Variants in ERICH3 observed in about 807,000 individuals in gnomAD.
The protein encoded by ERICH3 is glutamate-rich protein 3.
In ERICH3, 126 loss-of-function variants were observed where a neutral mutation model predicts 131.1. The observed-to-expected ratio is 0.96, with a 90% CI of 0.83 to 1.11. ERICH3 has a LOEUF of 1.11. Ranked by LOEUF, ERICH3 falls within the 50% of genes most tolerant of loss-of-function variation. The probability of loss-of-function intolerance (pLI) is 0.00; values close to 1 mark genes in which losing one functional copy is unlikely to be tolerated. For synonymous variants in ERICH3, 695 were observed against 644.6 expected, an observed-to-expected ratio of 1.08 and a Z score of -1.18; for missense variants, 2,050 against 1,810.7, an observed-to-expected ratio of 1.13 and a Z score of -2.40.
At chr1:74,580,766 T>C (rs1038410717) in intron 12 of ERICH3, among the ~76,000 whole-genome samples, 3 of 152,170 alleles carry the variant, frequency 2.0e-5, no homozygotes, top group African/African-American at 4.8e-5. Flanking sequence ...ACATCAATCA[T>C]TTTTTCCAGC....
At chr1:74,570,832 G>A (rs1646928335) in intron 14 of ERICH3, among the ~76,000 whole-genome samples, 1 of 152,152 alleles carries the variant, frequency 6.6e-6, no homozygotes, top group African/African-American at 2.4e-5. Flanking sequence ...GGGAGACACA[G>A]ATCTCACTAC....
chr1:74,661,547 GT>G (rs1223951017), intron 1 of ERICH3, among the ~76,000 whole-genome samples: 1 of 152,172 alleles, frequency 6.6e-6, no homozygotes, highest in Non-Finnish European at 1.5e-5. Context: ...GAACAAGAAA[GT>G]GATTTATTGA....
intron 8 of ERICH3, among the ~76,000 whole-genome samples, chr1:74,619,246 C>A (rs1366895229): frequency 1.3e-5 from 2 of 152,166 alleles, no homozygotes; most frequent in Admixed American, 1.3e-4. Context: ...GAGTGTACAT[C>A]ATCTACCAGA....
Position 74,572,186 on chromosome 1 carries a change from T to C in ERICH3, c.3524A>G (p.Lys1175Arg). The change falls in exon 14 of 15, where the codon AAA becomes AGA. Residue 1175 changes from lysine (K) to arginine (R), a missense_variant. Transcript: ENST00000326665. Reference protein sequence around the residue: ...KSLENITALRKEGGGERLSEA... With the variant: ...KSLENITALRREGGGERLSEA... ...ACTCAGTCTTTCCCCTCCTCCTTCT[T>C]TCCTCAGAGCTGTTATGTTTTCCAG... 2 of 1,614,068 alleles carry C rather than the reference T, an allele frequency of 1.2e-6. No homozygotes were observed. Among genetic ancestry groups the C allele is most frequent in the East Asian group, 4.5e-5 (2 of 44,860 alleles).
chr1:74,656,644 A>C (rs1410131478), intron 1 of ERICH3, among the ~76,000 whole-genome samples: 4 of 152,232 alleles, frequency 2.6e-5, no homozygotes, highest in African/African-American at 7.2e-5. Flanking sequence ...GTCTGGAAAT[A>C]TATTTGCTTA....
chr1:74,597,397 A>G (rs931703203), intron 11 of ERICH3, among the ~76,000 whole-genome samples: 17 of 152,196 alleles, frequency 1.1e-4, no homozygotes, highest in East Asian at 1.9e-4. Flanking sequence ...GAGCCCTTTA[A>G]AAGCATAGCT....
rs1415413703 is a variant in ERICH3, at chr1:74,614,520, C to CA, written c.1001-1712dup. On this transcript the variant is annotated intron_variant, in intron 8 of 14. Transcript: ENST00000326665. ...TGAAACCCCGTCTCTACTAAAAATACAAAAAAATTAGCCGGGCGTGGTAGC... is the reference window on the plus strand; with the variant it reads ...TGAAACCCCGTCTCTACTAAAAATACAAAAAAAATTAGCCGGGCGTGGTAGC... Among the ~76,000 whole-genome samples the CA allele has an allele frequency of 3.3e-5, 5 of 150,900 alleles. No individual in the cohort carries two copies. The South Asian group carries it at 6.3e-4, about 19-fold the overall frequency.
intron 2 of ERICH3, among the ~76,000 whole-genome samples, 185 bp downstream of exon 2, chr1:74,649,037 A>G (rs1418554211): frequency 6.6e-6 from 1 of 152,186 alleles, no homozygotes; most frequent in African/African-American, 2.4e-5. Context: ...CTTAGCAGTC[A>G]TAGTGACCTG....
At chr1:74,638,326 T>C (rs1646409423) in intron 5 of ERICH3, among the ~76,000 whole-genome samples, 1 of 152,118 alleles carries the variant, frequency 6.6e-6, no homozygotes, top group Non-Finnish European at 1.5e-5. Flanking sequence ...ACAAAACAAC[T>C]AGTGTCAAAT....
At chr1:74,577,788 G>T (rs1647094141) in intron 12 of ERICH3, among the ~76,000 whole-genome samples, 1 of 151,976 alleles carries the variant, frequency 6.6e-6, no homozygotes, top group South Asian at 2.1e-4. Flanking sequence ...TGAAATAATT[G>T]AAAAAAACAG....
rs1054543 is a variant in ERICH3 at position 74,589,618 on chromosome 1, C to A, written c.2176+13G>T. 1 of 1,610,892 alleles carries A rather than the reference C, an allele frequency of 6.2e-7. No homozygotes were observed. Among genetic ancestry groups the A allele is most frequent in the Non-Finnish European group, 8.5e-7 (1 of 1,177,936 alleles). ...TGAGGATGATGGCAGCTCAACTCAA[C>A]GGCCATACTTACCACCTTCCTCCAA... On this transcript the variant is annotated intron_variant, in intron 12 of 14. Transcript: ENST00000326665.
chr1:74,669,212 A>G (rs1646719186), intron 1 of ERICH3, among the ~76,000 whole-genome samples: 1 of 152,180 alleles, frequency 6.6e-6, no homozygotes, highest in Non-Finnish European at 1.5e-5. Flanking sequence ...TTACAGAAAC[A>G]CTTCTTTACA....
At chr1:74,586,976 C>T (rs553410237) in intron 12 of ERICH3, among the ~76,000 whole-genome samples, 1 of 152,210 alleles carries the variant, frequency 6.6e-6, no homozygotes, top group African/African-American at 2.4e-5. Flanking sequence ...AAATATTATT[C>T]CATGTGTATT....
chr1:74,572,060 G>GC lies in ERICH3; in HGVS notation c.3649dup (p.Ala1217GlyfsTer4). Reference sequence around the variant, plus strand: ...TCCTGCTGGCTCAGCTTCAGGAGCTGCTAAGGCCCCCTCTCCATCTTGGCG... The same window carrying GC: ...TCCTGCTGGCTCAGCTTCAGGAGCTGCCTAAGGCCCCCTCTCCATCTTGGCG... On this transcript the variant is annotated frameshift_variant, in exon 14 of 15. Transcript: ENST00000326665. LOFTEE classifies it high-confidence loss of function. The GC allele has an allele frequency of 1.2e-6, 2 of 1,614,184 alleles. No individual in the cohort carries two copies. Among genetic ancestry groups the GC allele is most frequent in the Non-Finnish European group, 1.7e-6 (2 of 1,180,036 alleles).
In ERICH3 at chr1:74,673,428, G is replaced by T. The variant is rs529451397; in HGVS notation, c.23+69C>A. Reference sequence around the variant, plus strand: ...TCGCCCCTTCCCTCCGCAGCAGGAGGGAGGAGGAGGGGCAGCTGGCTGAAG... The same window carrying T: ...TCGCCCCTTCCCTCCGCAGCAGGAGTGAGGAGGAGGGGCAGCTGGCTGAAG... On this transcript the variant is annotated intron_variant, in intron 1 of 14. Coordinates refer to ENST00000326665, the MANE Select transcript of ERICH3 (RefSeq NM_001002912.5). 4.2e-5 allele frequency: 66 copies of T among 1,582,246 alleles called. No individual in the cohort carries two copies. In the African/African-American group the frequency reaches 8.2e-4, roughly 20 times the overall value.
At position 74,633,514 on chromosome 1, in the gene ERICH3, T is replaced by C. The variant is rs1171788134; in HGVS notation, c.604-1586A>G. ...GGCATCAATCAATTACATGCCTTCT[T>C]TGGAAATGGTTTACCAGTTTTTCAA... On this transcript the variant is annotated intron_variant, in intron 6 of 14. Transcript: ENST00000326665. 2.0e-5 allele frequency among the ~76,000 whole-genome samples: 3 copies of C among 151,996 alleles called. No individual in the cohort carries two copies. In the East Asian group the frequency reaches 5.8e-4, roughly 29 times the overall value.
chr1:74,607,343 C>A (rs1223672359), intron 9 of ERICH3, among the ~76,000 whole-genome samples: 1 of 151,818 alleles, frequency 6.6e-6, no homozygotes, highest in Non-Finnish European at 1.5e-5. Context: ...GATTTACAAA[C>A]ATAGAGAAGC....
intron 9 of ERICH3, among the ~76,000 whole-genome samples, chr1:74,609,868 A>C (rs1407095005): frequency 6.6e-6 from 1 of 152,082 alleles, no homozygotes; most frequent in African/African-American, 2.4e-5. Context: ...TCTAGAGGGT[A>C]CCAAGTGTTG....
rs77857865 is a variant in ERICH3 at position 74,571,661 on chromosome 1, G to A, written c.4049C>T (p.Ala1350Val). Residue 1350 changes from alanine to valine, a missense_variant, in exon 14 of 15, where the codon GCA becomes GTA. By Grantham distance (64) the Ala-to-Val change is moderately conservative. Coordinates refer to ENST00000326665, the MANE Select transcript of ERICH3 (RefSeq NM_001002912.5). ...CTCCCTCTCCTCTGCGGCTGTTTCT[G>A]CCGTTTCACCACCTCCGTGTAGAAC... ...VEVLHGGGET[A>V]ETAAEEREVL... 1.9e-6 allele frequency: 3 copies of A among 1,613,966 alleles called. No individual in the cohort carries two copies. Among genetic ancestry groups the A allele is most frequent in the Non-Finnish European group, 1.7e-6 (2 of 1,180,026 alleles).
Sources: allele counts gnomAD v4.1 joint callset (sites outside exome capture counted in the v4.1 genomes callset), GRCh38; gene constraint gnomAD v4.1.1; transcripts MANE v1.5; gene names NCBI Gene and HGNC (gene_info 2026-07-23, HGNC 2026-07-21).